SYNE1: variants seen among roughly 807,000 people sequenced by gnomAD.
SYNE1 encodes the protein spectrin repeat containing nuclear envelope protein 1.
Under a neutral mutation model 1,111.0 loss-of-function variants are expected in SYNE1, and 616 were observed. That is an observed-to-expected ratio of 0.55 (90% CI 0.52 to 0.59). SYNE1 has a LOEUF of 0.59. Among genes scored for constraint, SYNE1 ranks in the 20% least tolerant of loss-of-function variants. The pLI is 0.00. For synonymous variants in SYNE1, 3,855 were observed against 3,825.8 expected (o/e 1.01, Z -0.28); for missense variants, 10,006 against 10,417.0 (o/e 0.96, Z 1.72).
intron 72 of SYNE1, among the ~76,000 whole-genome samples, chr6:152,347,941 C>T (rs1236573009): frequency 6.6e-6 from 1 of 151,552 alleles, no homozygotes; most frequent in East Asian, 1.9e-4. Context: ...CTGCTGGCCT[C>T]GGCCTCCCAA....
At chr6:152,225,510 G>A (rs2081378757) in intron 116 of SYNE1, among the ~76,000 whole-genome samples, 1 of 151,450 alleles carries the variant, frequency 6.6e-6, no homozygotes. Context: ...ATCATTAAGA[G>A]AGTAATGTTT....
intron 127 of SYNE1, among the ~76,000 whole-genome samples, chr6:152,200,307 C>G (rs926907922): frequency 6.6e-6 from 1 of 152,178 alleles, no homozygotes; most frequent in African/African-American, 2.4e-5. Flanking sequence ...AATGTTTTCA[C>G]GAGCTTTTGT....
intron 3 of SYNE1, among the ~76,000 whole-genome samples, chr6:152,618,322 G>A (rs1043011090): frequency 7.2e-5 from 11 of 152,012 alleles, no homozygotes; most frequent in Non-Finnish European, 1.2e-4. Flanking sequence ...CAAGATGAAC[G>A]CAGTGGCTCA....
intron 3 of SYNE1, among the ~76,000 whole-genome samples, chr6:152,560,329 G>T (rs185387979): frequency 3.3e-5 from 5 of 152,220 alleles, no homozygotes; most frequent in Non-Finnish European, 7.4e-5. Context: ...TGGTGCCATT[G>T]CACTCCCGCC....
rs1431065426 is a variant in SYNE1 at position 152,436,007 on chromosome 6, A to C, written c.4244T>G (p.Leu1415Arg). ...GATTGACTTGGCCTGCTGTTGAAGC[A>C]GCTGCTTATTTTGGGGCCCAAGCGG... ...EIPLGPQNKQ[L>R]LQQQAKSIKE... is the part of the protein sequence containing the mutation. The change falls in exon 33 of 146, where the codon CTG becomes CGG. Residue 1415 changes from leucine to arginine, a missense_variant. This residue lies in a region of SYNE1 where 1,971 missense variants were observed against 2,084.1 expected (regional missense o/e 0.95). Coordinates refer to ENST00000367255, the MANE Select transcript of SYNE1 (RefSeq NM_182961.4). The C allele has an allele frequency of 7.4e-6, 12 of 1,614,158 alleles. No individual in the cohort carries two copies. Among genetic ancestry groups the C allele is most frequent in the Middle Eastern group, 1.7e-4 (1 of 6,060 alleles).
chr6:152,338,938 G>T (rs34056981), intron 75 of SYNE1, among the ~76,000 whole-genome samples: 1 of 152,150 alleles, frequency 6.6e-6, no homozygotes, highest in South Asian at 2.1e-4. Context: ...ACAAAAAAAG[G>T]TGTGGCAAGA....
intron 102 of SYNE1, 22 bp from the exon 103 acceptor site, chr6:152,255,768 C>T: frequency 6.2e-7 from 1 of 1,613,842 alleles, no homozygotes; most frequent in Non-Finnish European, 8.5e-7. Context: ...AAAACAGGGT[C>T]AAATAATCAA....
At chr6:152,487,857 C>A (rs1397507018) in intron 12 of SYNE1, among the ~76,000 whole-genome samples, 1 of 151,970 alleles carries the variant, frequency 6.6e-6, no homozygotes, top group Admixed American at 6.6e-5. Context: ...AGGTGGATCC[C>A]GAGGTCAGGA....
At chr6:152,606,050 A>G (rs961794991) in intron 3 of SYNE1, among the ~76,000 whole-genome samples, 5 of 152,290 alleles carry the variant, frequency 3.3e-5, no homozygotes, top group African/African-American at 9.6e-5. Flanking sequence ...AACATTACAA[A>G]TCTGTGGTTT....
At chr6:152,492,642 C>T (rs1017999429) in intron 11 of SYNE1, among the ~76,000 whole-genome samples, 10 of 152,226 alleles carry the variant, frequency 6.6e-5, no homozygotes, top group African/African-American at 2.4e-4. Context: ...CCAAGGCTCT[C>T]TGACTGACTC....
intron 14 of SYNE1, among the ~76,000 whole-genome samples, chr6:152,473,784 G>A (rs906660345): frequency 6.6e-6 from 1 of 152,160 alleles, no homozygotes; most frequent in South Asian, 2.1e-4. Context: ...AGCACACTTG[G>A]AGTTATCACC....
Position 152,358,459 on chromosome 6 carries a change from A to C in SYNE1, c.10522T>G (p.Leu3508Val), listed in dbSNP as rs62426382. ...QRDLKAFEVW[L>V]GQEQEKLDQY... is the part of the protein sequence containing the mutation. Reference sequence around the variant, plus strand: ...TCGAGCTTTTCTTGTTCTTGCCCCAACCAAACTTCAAATGCCTTTAGGTCT... The same window carrying C: ...TCGAGCTTTTCTTGTTCTTGCCCCACCCAAACTTCAAATGCCTTTAGGTCT... The change falls in exon 66 of 146, where the codon TTG (leucine) becomes GTG (valine). Residue 3508 changes from leucine (L) to valine (V), a missense_variant. By Grantham distance (32) the Leu-to-Val change is conservative. This residue lies in a region of SYNE1 where 4,955 missense variants were observed against 5,017.2 expected (regional missense o/e 0.99). Transcript: ENST00000367255. 5 of 1,614,028 alleles carry C rather than the reference A, an allele frequency of 3.1e-6. No individual in the cohort carries two copies. The South Asian group carries it at 4.4e-5, about 14-fold the overall frequency.
intron 2 of SYNE1, among the ~76,000 whole-genome samples, chr6:152,631,414 G>A (rs1034103573): frequency 2.0e-5 from 3 of 152,272 alleles, no homozygotes; most frequent in African/African-American, 4.8e-5. Context: ...TCCAGATGGC[G>A]CAGGGCCCTG....
intron 107 of SYNE1, among the ~76,000 whole-genome samples, chr6:152,241,423 G>T (rs905280185): frequency 6.6e-6 from 1 of 151,754 alleles, no homozygotes; most frequent in Non-Finnish European, 1.5e-5. Context: ...TTCCCTACAG[G>T]AAATTCCCAT....
In SYNE1 at chr6:152,358,543, A is replaced by G. The variant is rs376803162; in HGVS notation, c.10444-6T>C. 3.2e-5 allele frequency: 51 copies of G among 1,613,980 alleles called. No homozygotes were observed. The highest frequency in any genetic ancestry group is 3.9e-5 in the Non-Finnish European group (46 of 1,179,966). On this transcript the variant is annotated splice_region_variant and splice_polypyrimidine_tract_variant and intron_variant, in intron 65 of 145. Transcript: ENST00000367255. ...TCAGACTTGGTTACGGCTTCCTATA[A>G]TTAGCATTTAAAATAATGAAGTTAG...
At position 152,484,864 on chromosome 6, in the gene SYNE1, T is replaced by C. The variant is rs1388654827; in HGVS notation, c.1156A>G (p.Lys386Glu). The C allele has an allele frequency of 7.4e-6, 12 of 1,613,912 alleles. No homozygotes were observed. Among genetic ancestry groups the C allele is most frequent in the Non-Finnish European group, 8.5e-7 (1 of 1,179,988 alleles). Residue 386 changes from lysine (K) to glutamate (E), a missense_variant, in exon 13 of 146, where the codon AAA becomes GAA. This residue lies in a region of SYNE1 where 1,971 missense variants were observed against 2,084.1 expected (regional missense o/e 0.95). Coordinates refer to ENST00000367255, the MANE Select transcript of SYNE1 (RefSeq NM_182961.4). ...GKLSLDQALV[K>E]QSWDRVTSRL... ...GAGGTCACTCTATCCCAAGATTGTTTTACCAATGCTTGGTCAAGTGACAAT... is the reference window on the plus strand; with the variant it reads ...GAGGTCACTCTATCCCAAGATTGTTCTACCAATGCTTGGTCAAGTGACAAT...
chr6:152,328,384 A>ATTTTAT (rs67607914), intron 78 of SYNE1, among the ~76,000 whole-genome samples: 7 of 32,892 alleles, frequency 2.1e-4, no homozygotes, highest in African/African-American at 8.4e-4. Flanking sequence ...ATTTTATTTT[A>ATTTTAT]TTTATTTATT....
chr6:152,274,698 G>A (rs1257745034), intron 98 of SYNE1, among the ~76,000 whole-genome samples: 5 of 152,130 alleles, frequency 3.3e-5, no homozygotes, highest in African/African-American at 9.7e-5. Flanking sequence ...CTCGGTTCAA[G>A]TGATTCTCCT....
intron 98 of SYNE1, among the ~76,000 whole-genome samples, chr6:152,272,516 T>C (rs915472959): frequency 6.6e-6 from 1 of 152,238 alleles, no homozygotes; most frequent in Non-Finnish European, 1.5e-5. Flanking sequence ...GGGCAATCTC[T>C]CTGTTCTTTT....
Sources: allele counts gnomAD v4.1 joint callset (sites outside exome capture counted in the v4.1 genomes callset), GRCh38; gene constraint gnomAD v4.1.1; regional missense constraint gnomAD v4.1.1; transcripts MANE v1.5; gene names NCBI Gene and HGNC (gene_info 2026-07-23, HGNC 2026-07-21).